Variants in NTM observed in about 807,000 individuals in gnomAD.
The protein encoded by NTM is neurotrimin.
NTM carries 13 observed loss-of-function variants against 42.1 expected under a neutral mutation model. The ratio of observed to expected loss-of-function variants is 0.31; its 90% CI spans 0.20 to 0.49. The LOEUF (loss-of-function observed/expected upper bound fraction) is 0.49, where lower values mean the gene tolerates loss of function less well. NTM is among the 20% of genes least tolerant of loss of function. The probability of loss-of-function intolerance (pLI) is 0.99; values close to 1 mark genes in which losing one functional copy is unlikely to be tolerated. For missense variants in NTM, 373 were observed against 452.8 expected, an observed-to-expected ratio of 0.82 and a Z score of 1.60; for synonymous variants, 187 against 179.2, an observed-to-expected ratio of 1.04 and a Z score of -0.35.
At chr11:131,509,358 G>A (rs1484657021) in intron 1 of NTM, among the ~76,000 whole-genome samples, 2 of 152,180 alleles carry the variant, frequency 1.3e-5, no homozygotes, top group African/African-American at 4.8e-5. Flanking sequence ...GGTGTCCAAT[G>A]TCTGTAAATT....
intron 3 of NTM, among the ~76,000 whole-genome samples, chr11:132,202,374 G>C (rs560978550): frequency 1.9e-4 from 29 of 152,096 alleles, no homozygotes; most frequent in Non-Finnish European, 2.6e-4. Flanking sequence ...TCCTCCCTTC[G>C]TGAACTGGTC....
intron 1 of NTM, among the ~76,000 whole-genome samples, chr11:131,526,011 A>G (rs2050427812): frequency 6.6e-6 from 1 of 152,226 alleles, no homozygotes; most frequent in Non-Finnish European, 1.5e-5. Flanking sequence ...GATTCAACGT[A>G]AACATTTATC....
chr11:131,910,596 G>T (rs1312644590), intron 1 of NTM, among the ~76,000 whole-genome samples: 1 of 150,970 alleles, frequency 6.6e-6, no homozygotes, highest in East Asian at 2.0e-4. Flanking sequence ...AACCCCGGCG[G>T]TCGGGGCCCG....
chr11:131,866,321 TG>T lies in NTM; in HGVS notation c.83-45239del, dbSNP rs1476861992. ...ACAAAGCAAAGATTGCCTGTGGGGG[TG>T]GGGCTGTCCCCCTCAATGGCATCTG... On this transcript the variant is annotated intron_variant, in intron 1 of 8. Transcript: ENST00000683400. Among the ~76,000 whole-genome samples the T allele has an allele frequency of 2.0e-5, 3 of 152,296 alleles. No homozygotes were observed. In the East Asian group the frequency reaches 5.8e-4, roughly 29 times the overall value.
At chr11:131,837,389 A>T (rs1001152382) in intron 1 of NTM, among the ~76,000 whole-genome samples, 2 of 152,216 alleles carry the variant, frequency 1.3e-5, no homozygotes, top group Non-Finnish European at 2.9e-5. Context: ...TAATTTGGGT[A>T]TTCACTGATA....
chr11:131,815,862 T>C (rs1592052149), intron 1 of NTM, among the ~76,000 whole-genome samples: 4 of 152,248 alleles, frequency 2.6e-5, no homozygotes, highest in African/African-American at 7.2e-5. Flanking sequence ...GGGAGCGGAT[T>C]CCAGCGTGTT....
At position 131,521,300 on chromosome 11, in the gene NTM, G is replaced by A. The variant is rs566332170; in HGVS notation, c.82+150412G>A. Among the ~76,000 whole-genome samples, 6 of 143,552 alleles carry A rather than the reference G, an allele frequency of 4.2e-5. No individual in the cohort carries two copies. In the South Asian group the frequency reaches 1.4e-3, roughly 33 times the overall value. 94.2% of individuals were successfully genotyped at this position (143,552 alleles called of 152,430 possible). On this transcript the variant is annotated intron_variant, in intron 1 of 8. Transcript: ENST00000683400. ...ACTGTACTCCAGCCTGGGTGACAGA[G>A]TGAGACTCCATCTCAGAAATAAATA...
intron 3 of NTM, among the ~76,000 whole-genome samples, chr11:132,206,436 A>G (rs138925992): frequency 2.0e-5 from 3 of 152,136 alleles, no homozygotes; most frequent in African/African-American, 7.2e-5. Flanking sequence ...CAATATTAAA[A>G]CTCACTCATT....
chr11:131,738,844 G>C (rs539904763), intron 1 of NTM, among the ~76,000 whole-genome samples: 1 of 152,186 alleles, frequency 6.6e-6, no homozygotes, highest in African/African-American at 2.4e-5. Context: ...TGATTTGTAC[G>C]TGGAGAGAGG....
chr11:131,500,346 T>C (rs1381476494), intron 1 of NTM, among the ~76,000 whole-genome samples: 1 of 152,040 alleles, frequency 6.6e-6, no homozygotes, highest in Non-Finnish European at 1.5e-5. Flanking sequence ...ATTTATTCTA[T>C]AAATATTTAT....
chr11:131,702,279 C>T (rs889375568), intron 1 of NTM, among the ~76,000 whole-genome samples: 5 of 152,180 alleles, frequency 3.3e-5, no homozygotes, highest in Admixed American at 6.5e-5. Flanking sequence ...AAAAAAAGTA[C>T]GGTAGTGATG....
chr11:132,179,579 C>A (rs2077271411), intron 3 of NTM, among the ~76,000 whole-genome samples: 1 of 152,140 alleles, frequency 6.6e-6, no homozygotes, highest in South Asian at 2.1e-4. Context: ...GAGAGTACTT[C>A]AAAATGTTAT....
chr11:131,461,657 G>A lies in NTM; in HGVS notation c.82+90769G>A, dbSNP rs147708283. ...TAACTATGGTTAATAATAATGCATTGTATATTTGACATTTTTGAGGAGAGC... is the reference window on the plus strand; with the variant it reads ...TAACTATGGTTAATAATAATGCATTATATATTTGACATTTTTGAGGAGAGC... On this transcript the variant is annotated intron_variant, in intron 1 of 8. Coordinates refer to ENST00000683400, the MANE Select transcript of NTM (RefSeq NM_001352005.2). Among the ~76,000 whole-genome samples, 233 of 151,844 alleles carry A rather than the reference G, an allele frequency of 1.5e-3. 1 individual carries two copies. Among genetic ancestry groups the A allele is most frequent in the African/African-American group, 5.3e-3 (220 of 41,316 alleles).
intron 1 of NTM, among the ~76,000 whole-genome samples, chr11:131,439,821 G>C (rs1361522145): frequency 6.6e-6 from 1 of 152,104 alleles, no homozygotes; most frequent in East Asian, 1.9e-4. Flanking sequence ...TGCACCCACT[G>C]TCCAACTAGT....
intron 2 of NTM, among the ~76,000 whole-genome samples, chr11:132,060,280 G>A (rs1301729385): frequency 1.3e-5 from 2 of 152,222 alleles, no homozygotes; most frequent in African/African-American, 2.4e-5. Context: ...TTTAGGGAAC[G>A]GGCAATGAAA....
At chr11:132,108,524 A>T (rs2062714622) in intron 2 of NTM, among the ~76,000 whole-genome samples, 1 of 152,048 alleles carries the variant, frequency 6.6e-6, no homozygotes, top group Non-Finnish European at 1.5e-5. Context: ...GACTCTGGGG[A>T]CTTGGGAGGA....
intron 1 of NTM, among the ~76,000 whole-genome samples, chr11:131,376,480 A>T (rs1941990680): frequency 6.6e-6 from 1 of 152,168 alleles, no homozygotes; most frequent in South Asian, 2.1e-4. Flanking sequence ...TTGCAAGTGG[A>T]GAAACAGAAA....
At chr11:132,044,618 G>A (rs1264621342) in intron 2 of NTM, among the ~76,000 whole-genome samples, 1 of 152,042 alleles carries the variant, frequency 6.6e-6, no homozygotes, top group Admixed American at 6.6e-5. Context: ...TGCTATCATG[G>A]GTGTGATAGG....
intron 1 of NTM, among the ~76,000 whole-genome samples, chr11:131,641,957 C>T (rs754595059): frequency 1.3e-5 from 2 of 152,112 alleles, no homozygotes; most frequent in Non-Finnish European, 2.9e-5. Context: ...GATCTCCTGA[C>T]CTCATGATCC....
Sources: allele counts gnomAD v4.1 joint callset (sites outside exome capture counted in the v4.1 genomes callset), GRCh38; gene constraint gnomAD v4.1.1; transcripts MANE v1.5; gene names NCBI Gene and HGNC (gene_info 2026-07-23, HGNC 2026-07-21).